Variants in CCDC148 observed in about 807,000 individuals in gnomAD.
CCDC148 encodes coiled-coil domain containing 148, also known as coiled-coil domain-containing protein 148.
Under a neutral mutation model 85.7 loss-of-function variants are expected in CCDC148, and 89 were observed. The ratio of observed to expected loss-of-function variants is 1.04; its 90% CI spans 0.87 to 1.24. The LOEUF (loss-of-function observed/expected upper bound fraction) is 1.24. Among genes scored for constraint, CCDC148 ranks in the 50% most tolerant of loss-of-function variants. The pLI is 0.00. For missense variants in CCDC148, 692 were observed against 671.7 expected, an observed-to-expected ratio of 1.03 and a Z score of -0.33; for synonymous variants, 230 against 213.9, an observed-to-expected ratio of 1.08 and a Z score of -0.66.
At chr2:158,226,797 G>A (rs1346860354) in intron 10 of CCDC148, among the ~76,000 whole-genome samples, 1 of 152,046 alleles carries the variant, frequency 6.6e-6, no homozygotes, top group Non-Finnish European at 1.5e-5. Context: ...GTATTGATGG[G>A]ATGTATCTCA....
chr2:158,187,089 A>G (rs146681514), intron 11 of CCDC148, among the ~76,000 whole-genome samples: 3 of 152,078 alleles, frequency 2.0e-5, no homozygotes, highest in African/African-American at 7.2e-5. Flanking sequence ...GAATTTCTAC[A>G]TCATGGCTAA....
At chr2:158,282,342 T>C (rs932321198) in intron 9 of CCDC148, among the ~76,000 whole-genome samples, 21 of 152,170 alleles carry the variant, frequency 1.4e-4, no homozygotes, top group Non-Finnish European at 2.5e-4. Context: ...CAAATTGTCC[T>C]TGTTTGCAGA....
intron 9 of CCDC148, among the ~76,000 whole-genome samples, chr2:158,256,771 G>A (rs562702158): frequency 6.6e-6 from 1 of 151,720 alleles, no homozygotes; most frequent in African/African-American, 2.4e-5. Context: ...CTCAAGTCTT[G>A]GCTCAGATGC....
intron 12 of CCDC148, among the ~76,000 whole-genome samples, chr2:158,176,862 A>C (rs574844828): frequency 6.6e-6 from 1 of 152,278 alleles, no homozygotes; most frequent in Non-Finnish European, 1.5e-5. Flanking sequence ...TACATATAAG[A>C]CAAAATATTA....
intron 2 of CCDC148, among the ~76,000 whole-genome samples, chr2:158,347,146 C>A (rs1480076758): frequency 6.6e-6 from 1 of 152,098 alleles, no homozygotes; most frequent in African/African-American, 2.4e-5. Flanking sequence ...CAGCCATTTA[C>A]CATACACAGT....
intron 11 of CCDC148, among the ~76,000 whole-genome samples, chr2:158,196,559 T>G (rs1205821820): frequency 1.3e-5 from 2 of 152,146 alleles, no homozygotes; most frequent in Non-Finnish European, 2.9e-5. Flanking sequence ...TTTCCCATCT[T>G]TACTTAAAAC....
chr2:158,340,187 T>C lies in CCDC148; in HGVS notation c.486+55A>G, dbSNP rs1303446808. Reference sequence around the variant, plus strand: ...GTTTGTTTCTTATCTCAAACTCTTCTAGTTGGGACAAAAATGAAATATTAC... The same window carrying C: ...GTTTGTTTCTTATCTCAAACTCTTCCAGTTGGGACAAAAATGAAATATTAC... On this transcript the variant is annotated intron_variant, in intron 5 of 13. Coordinates refer to ENST00000283233, the MANE Select transcript of CCDC148 (RefSeq NM_138803.4). 7 of 1,543,080 alleles carry C rather than the reference T, an allele frequency of 4.5e-6. No individual in the cohort carries two copies. The East Asian group carries it at 9.0e-5, about 20-fold the overall frequency.
intron 2 of CCDC148, among the ~76,000 whole-genome samples, chr2:158,354,465 C>G (rs952783016): frequency 1.3e-5 from 2 of 151,406 alleles, no homozygotes; most frequent in African/African-American, 4.8e-5. Flanking sequence ...CGCAAATAAA[C>G]TAGAAAATCT....
At chr2:158,452,643 T>A (rs1251705719) in intron 1 of CCDC148, among the ~76,000 whole-genome samples, 1 of 151,614 alleles carries the variant, frequency 6.6e-6, no homozygotes, top group African/African-American at 2.4e-5. Flanking sequence ...CCCTGGAAAA[T>A]AATCTGATTG....
intron 9 of CCDC148, among the ~76,000 whole-genome samples, chr2:158,263,648 C>T (rs1689332627): frequency 6.6e-6 from 1 of 151,974 alleles, no homozygotes; most frequent in African/African-American, 2.4e-5. Flanking sequence ...CAGAGATTTT[C>T]CATAAATCTA....
intron 1 of CCDC148, among the ~76,000 whole-genome samples, chr2:158,448,017 C>A (rs1573839166): frequency 6.6e-6 from 1 of 152,078 alleles, no homozygotes; most frequent in East Asian, 1.9e-4. Context: ...TTAGCTCTTA[C>A]AGGTAGGTCT....
intron 2 of CCDC148, among the ~76,000 whole-genome samples, chr2:158,349,845 A>G (rs1456255491): frequency 5.9e-5 from 9 of 152,160 alleles, no homozygotes; most frequent in Non-Finnish European, 1.0e-4. Flanking sequence ...CTGAAATTCA[A>G]AACAACAGAC....
chr2:158,363,894 T>C (rs1684079477), intron 1 of CCDC148, among the ~76,000 whole-genome samples: 1 of 152,204 alleles, frequency 6.6e-6, no homozygotes, highest in Non-Finnish European at 1.5e-5. Context: ...GCAGATGACA[T>C]GAATGTATAT....
At chr2:158,450,497 C>T (rs577048026) in intron 1 of CCDC148, among the ~76,000 whole-genome samples, 7 of 152,220 alleles carry the variant, frequency 4.6e-5, no homozygotes, top group Non-Finnish European at 7.3e-5. Context: ...TGTATGGGAT[C>T]TGGCAGTAAT....
rs542498074 is a variant in CCDC148 at position 158,400,806 on chromosome 2, T to C, written c.26-42236A>G. ...ATGGGAGAAAATTTTTGCAATCTAC[T>C]CATCTGACAAAGGGCTAATATCCAG... On this transcript the variant is annotated intron_variant, in intron 1 of 13. Coordinates refer to ENST00000283233, the MANE Select transcript of CCDC148 (RefSeq NM_138803.4). 6.7e-3 allele frequency among the ~76,000 whole-genome samples: 1,024 copies of C among 152,124 alleles called. 14 individuals are homozygous for C. The highest frequency in any genetic ancestry group is 0.024 in the African/African-American group (976 of 41,514).
chr2:158,247,339 G>A (rs1457279168), intron 10 of CCDC148, among the ~76,000 whole-genome samples: 1 of 152,068 alleles, frequency 6.6e-6, no homozygotes, highest in East Asian at 1.9e-4. Flanking sequence ...CAAAGTTGTA[G>A]TATCTTATAA....
intron 1 of CCDC148, among the ~76,000 whole-genome samples, chr2:158,409,378 T>C (rs1686162434): frequency 6.6e-6 from 1 of 152,218 alleles, no homozygotes; most frequent in African/African-American, 2.4e-5. Context: ...CCAAGGTTGT[T>C]GGAGCCTACC....
chr2:158,449,744 T>C (rs979601369), intron 1 of CCDC148, among the ~76,000 whole-genome samples: 3 of 152,198 alleles, frequency 2.0e-5, no homozygotes, highest in Non-Finnish European at 4.4e-5. Context: ...CCACCATGCT[T>C]GGCCCCTCCC....
At chr2:158,212,536 G>A (rs192534238) in intron 11 of CCDC148, among the ~76,000 whole-genome samples, 7 of 152,036 alleles carry the variant, frequency 4.6e-5, no homozygotes, top group East Asian at 3.9e-4. Context: ...CACTAGATTC[G>A]CAAGGCCAAT....
Sources: allele counts gnomAD v4.1 joint callset (sites outside exome capture counted in the v4.1 genomes callset), GRCh38; gene constraint gnomAD v4.1.1; transcripts MANE v1.5; gene names NCBI Gene and HGNC (gene_info 2026-07-23, HGNC 2026-07-21).